SLIT3: variants seen among roughly 807,000 people sequenced by gnomAD.
The protein encoded by SLIT3 is slit homolog 3 protein.
In SLIT3, 68 loss-of-function variants were observed where a neutral mutation model predicts 184.0. The observed-to-expected ratio is 0.37, with a 90% CI of 0.30 to 0.45. The LOEUF (loss-of-function observed/expected upper bound fraction) is 0.45. Ranked by LOEUF, SLIT3 falls within the 20% of genes least tolerant of loss-of-function variation. The pLI is 1.00. For synonymous variants in SLIT3, 831 were observed against 828.6 expected, an observed-to-expected ratio of 1.00 and a Z score of -0.05; for missense variants, 1,707 against 2,026.0, an observed-to-expected ratio of 0.84 and a Z score of 3.02.
chr5:169,224,748 G>A lies in SLIT3; in HGVS notation c.341+19957C>T, dbSNP rs528908334. Among the ~76,000 whole-genome samples the A allele has an allele frequency of 3.3e-5, 5 of 152,048 alleles. No homozygotes were observed. In the East Asian group the frequency reaches 7.7e-4, roughly 24 times the overall value. On this transcript the variant is annotated intron_variant, in intron 3 of 35. Transcript: ENST00000519560. ...GTTGCCCAGGCTGGAGTGCAGTGGT[G>A]CGATCTTGGCTCACTGCAGCCTCTG...
At chr5:168,873,335 A>G (rs1266877798) in intron 5 of SLIT3, among the ~76,000 whole-genome samples, 1 of 152,140 alleles carries the variant, frequency 6.6e-6, no homozygotes, top group East Asian at 1.9e-4. Context: ...GTAATTAAAC[A>G]AGATAATACA....
In SLIT3 at chr5:169,171,950, C is replaced by T. The variant is rs1383389339; in HGVS notation, c.413+21529G>A. On this transcript the variant is annotated intron_variant, in intron 4 of 35. Coordinates refer to ENST00000519560, the MANE Select transcript of SLIT3 (RefSeq NM_003062.4). The stretch of plus-strand genomic sequence containing the variant: ...TTGAGAAAGTGTGAAGGGTGGTGTA[C>T]AAAGAGTGAAGGAAAGAGGTCCAGC... Among the ~76,000 whole-genome samples the T allele has an allele frequency of 2.0e-5, 3 of 152,024 alleles. No homozygotes were observed. In the East Asian group the frequency reaches 5.8e-4, roughly 29 times the overall value.
intron 23 of SLIT3, among the ~76,000 whole-genome samples, chr5:168,718,436 G>A (rs1460336032): frequency 6.6e-6 from 1 of 152,146 alleles, no homozygotes; most frequent in Non-Finnish European, 1.5e-5. Context: ...TGGCCCTCCT[G>A]CGACTGGGGC....
At chr5:169,102,220 A>T (rs1760045352) in intron 4 of SLIT3, among the ~76,000 whole-genome samples, 1 of 152,228 alleles carries the variant, frequency 6.6e-6, no homozygotes, top group Non-Finnish European at 1.5e-5. Context: ...AACTGGGGAC[A>T]TCCCCTGCCT....
At chr5:168,699,369 G>T (rs1247952191) in intron 27 of SLIT3, among the ~76,000 whole-genome samples, 1 of 152,246 alleles carries the variant, frequency 6.6e-6, no homozygotes, top group Non-Finnish European at 1.5e-5. Flanking sequence ...ACCCACACAT[G>T]GCTTGGCATG....
At chr5:168,706,218 C>G (rs1762367955) in intron 26 of SLIT3, among the ~76,000 whole-genome samples, 1 of 152,244 alleles carries the variant, frequency 6.6e-6, no homozygotes, top group Non-Finnish European at 1.5e-5. Flanking sequence ...TGAGTGCTCA[C>G]TGAATGCCAG....
chr5:168,798,001 T>C (rs577434282), intron 9 of SLIT3, among the ~76,000 whole-genome samples: 31 of 152,110 alleles, frequency 2.0e-4, no homozygotes, highest in African/African-American at 6.3e-4. Flanking sequence ...GCAGTCTCTG[T>C]GGAAGTAGGT....
chr5:168,917,679 C>T (rs1761488833), intron 4 of SLIT3, among the ~76,000 whole-genome samples: 1 of 152,174 alleles, frequency 6.6e-6, no homozygotes, highest in South Asian at 2.1e-4. Context: ...AACACAAAGC[C>T]AGTATTGCTT....
chr5:169,104,341 G>C (rs1305101914), intron 4 of SLIT3, among the ~76,000 whole-genome samples: 1 of 152,162 alleles, frequency 6.6e-6, no homozygotes, highest in Non-Finnish European at 1.5e-5. Context: ...AGCCCACGCA[G>C]AACTCCAGGG....
chr5:168,872,622 TTTC>T (rs751903765), intron 5 of SLIT3, among the ~76,000 whole-genome samples: 2,367 of 144,130 alleles, frequency 0.016, 68 homozygotes, highest in African/African-American at 0.056. Context: ...ACTTTCTTCT[TTTC>T]TTCTTCTTCT....
intron 1 of SLIT3, among the ~76,000 whole-genome samples, chr5:169,292,606 C>T (rs961426155): frequency 1.1e-4 from 17 of 152,154 alleles, no homozygotes; most frequent in Non-Finnish European, 2.5e-4. Flanking sequence ...GCACAGAGAA[C>T]TCTGCTGATT....
chr5:168,891,948 A>C (rs993689664), intron 4 of SLIT3, among the ~76,000 whole-genome samples: 1 of 152,136 alleles, frequency 6.6e-6, no homozygotes, highest in Non-Finnish European at 1.5e-5. Flanking sequence ...AATCAAAACC[A>C]AATAACTCTC....
At chr5:168,682,033 G>C (rs1037691670) in intron 32 of SLIT3, among the ~76,000 whole-genome samples, 1 of 152,314 alleles carries the variant, frequency 6.6e-6, no homozygotes. Context: ...TGCTTCACAG[G>C]CTGCCCTGGC....
chr5:169,159,789 C>A lies in SLIT3; in HGVS notation c.413+33690G>T, dbSNP rs548266211. Among the ~76,000 whole-genome samples, 166 of 151,872 alleles carry A rather than the reference C, an allele frequency of 1.1e-3. 1 individual carries two copies. The highest frequency in any genetic ancestry group is 7.2e-4 in the Non-Finnish European group (49 of 67,922). On this transcript the variant is annotated intron_variant, in intron 4 of 35. Coordinates refer to ENST00000519560, the MANE Select transcript of SLIT3 (RefSeq NM_003062.4). ...AGACTCCGTCTCTTAAACAAACAAA[C>A]AAAAAAAAGCATGACCCAACTATAC...
At chr5:168,828,995 G>C (rs1250060690) in intron 6 of SLIT3, among the ~76,000 whole-genome samples, 1 of 152,150 alleles carries the variant, frequency 6.6e-6, no homozygotes, top group East Asian at 1.9e-4. Context: ...GAAATCAACG[G>C]AGGTGGCTGT....
intron 6 of SLIT3, among the ~76,000 whole-genome samples, chr5:168,841,032 A>G (rs1365687563): frequency 2.0e-5 from 3 of 152,218 alleles, no homozygotes; most frequent in African/African-American, 4.8e-5. Flanking sequence ...AGGCTCCGAC[A>G]TTCTCCCCAG....
intron 5 of SLIT3, among the ~76,000 whole-genome samples, chr5:168,871,213 T>G (rs1158592533): frequency 6.6e-6 from 1 of 152,230 alleles, no homozygotes; most frequent in African/African-American, 2.4e-5. Flanking sequence ...TCTTTTTTCT[T>G]ATGAAGACCC....
chr5:169,179,454 C>T (rs991266113), intron 4 of SLIT3, among the ~76,000 whole-genome samples: 8 of 152,058 alleles, frequency 5.3e-5, no homozygotes, highest in Non-Finnish European at 1.0e-4. Flanking sequence ...GCTTATCTTT[C>T]CATTTCACTG....
At chr5:168,848,192 T>C (rs1348546620) in intron 5 of SLIT3, among the ~76,000 whole-genome samples, 1 of 152,210 alleles carries the variant, frequency 6.6e-6, no homozygotes, top group East Asian at 1.9e-4. Context: ...TAGGAAAAGG[T>C]GTCAGGGCTG....
Sources: allele counts gnomAD v4.1 joint callset (sites outside exome capture counted in the v4.1 genomes callset), GRCh38; gene constraint gnomAD v4.1.1; transcripts MANE v1.5; gene names NCBI Gene and HGNC (gene_info 2026-07-23, HGNC 2026-07-21).